The following BACH2 variants were observed in gnomAD, a reference collection of about 807,000 sequenced individuals.
BACH2 encodes BACH transcriptional regulator 2.
Under a neutral mutation model 61.8 loss-of-function variants are expected in BACH2, and 5 were observed. That is an observed-to-expected ratio of 0.08 (90% confidence interval 0.04 to 0.17). The LOEUF is 0.17. Among genes scored for constraint, BACH2 ranks in the 10% least tolerant of loss-of-function variants. The probability of loss-of-function intolerance (pLI) is 1.00; values close to 1 mark genes in which losing one functional copy is unlikely to be tolerated. For synonymous variants in BACH2, 446 were observed against 440.1 expected, an observed-to-expected ratio of 1.01 and a Z score of -0.17; for missense variants, 824 against 1,091.1, an observed-to-expected ratio of 0.76 and a Z score of 3.45.
intron 2 of BACH2, among the ~76,000 whole-genome samples, chr6:90,254,857 G>A (rs1770926418): frequency 6.6e-6 from 1 of 152,140 alleles, no homozygotes; most frequent in South Asian, 2.1e-4. Flanking sequence ...TTATTGTAAT[G>A]TTTCAAACTC....
intron 5 of BACH2, among the ~76,000 whole-genome samples, chr6:90,015,293 G>T (rs1777999816): frequency 6.6e-6 from 1 of 151,748 alleles, no homozygotes. Context: ...TATTCTCATT[G>T]TTATATCCTT....
rs530479326 is a variant in BACH2 at position 90,016,755 on chromosome 6, C to G, written c.-12-7899G>C. Among the ~76,000 whole-genome samples the G allele has an allele frequency of 8.6e-5, 13 of 151,854 alleles. No individual in the cohort carries two copies. The South Asian group carries it at 2.5e-3, about 29-fold the overall frequency. The stretch of plus-strand genomic sequence containing the variant: ...AACTTTTCTCTGTAAAAGCCTGCTG[C>G]CTTCATTTTTGAAAGTTATCTTTGA... On this transcript the variant is annotated intron_variant, in intron 5 of 8. Transcript: ENST00000257749.
intron 5 of BACH2, among the ~76,000 whole-genome samples, chr6:90,031,888 G>A (rs569479472): frequency 4.6e-5 from 7 of 152,152 alleles, no homozygotes; most frequent in African/African-American, 7.2e-5. Flanking sequence ...AAAAGAGCCC[G>A]CATTGCCAAG....
intron 5 of BACH2, among the ~76,000 whole-genome samples, chr6:90,032,341 C>A (rs1364450329): frequency 1.7e-4 from 25 of 143,424 alleles, no homozygotes; most frequent in East Asian, 6.5e-4. Flanking sequence ...GCAACAAAAG[C>A]CAAAATTGAC....
At chr6:90,120,081 C>T (rs1783560163) in intron 4 of BACH2, among the ~76,000 whole-genome samples, 1 of 152,226 alleles carries the variant, frequency 6.6e-6, no homozygotes. Context: ...ATTCATTCAT[C>T]TATTCATGCC....
intron 3 of BACH2, among the ~76,000 whole-genome samples, chr6:90,249,796 G>C (rs557656508): frequency 1.3e-5 from 2 of 152,134 alleles, no homozygotes; most frequent in South Asian, 2.1e-4. Context: ...CAAAACCTAA[G>C]ATTGAACAAC....
intron 5 of BACH2, among the ~76,000 whole-genome samples, chr6:90,026,815 T>C (rs1371232901): frequency 1.3e-5 from 2 of 152,218 alleles, no homozygotes; most frequent in Non-Finnish European, 2.9e-5. Flanking sequence ...GCTCCTTTCA[T>C]GCATGGGGGT....
At chr6:90,109,571 T>C (rs1355690677) in intron 4 of BACH2, among the ~76,000 whole-genome samples, 1 of 152,218 alleles carries the variant, frequency 6.6e-6, no homozygotes, top group East Asian at 1.9e-4. Context: ...TGAATTTCCA[T>C]ATCCAATTTC....
At chr6:90,009,004 G>A (rs923485683) in intron 5 of BACH2, 148 bp from the exon 6 acceptor site, 2 of 958,058 alleles carry the variant, frequency 2.1e-6, no homozygotes, top group African/African-American at 3.3e-5. Flanking sequence ...TTACCAATCA[G>A]CATATTTGTG....
chr6:89,984,310 G>A (rs189692590), intron 6 of BACH2, among the ~76,000 whole-genome samples: 65 of 152,182 alleles, frequency 4.3e-4, no homozygotes, highest in Admixed American at 2.4e-3. Flanking sequence ...AAGGAGGGAA[G>A]ATATGGTCAC....
At chr6:90,274,619 C>A (rs1771634452) in intron 1 of BACH2, among the ~76,000 whole-genome samples, 2 of 152,184 alleles carry the variant, frequency 1.3e-5, no homozygotes, top group South Asian at 2.1e-4. Context: ...CAGACAACCC[C>A]CACACACTTT....
At chr6:90,159,643 C>T (rs945421742) in intron 4 of BACH2, among the ~76,000 whole-genome samples, 1 of 151,752 alleles carries the variant, frequency 6.6e-6, no homozygotes, top group Non-Finnish European at 1.5e-5. Flanking sequence ...AGGGACATAA[C>T]CTATTTTCTC....
chr6:90,104,886 T>C (rs1191933223), intron 4 of BACH2, among the ~76,000 whole-genome samples: 5 of 152,186 alleles, frequency 3.3e-5, no homozygotes, highest in African/African-American at 2.4e-5. Context: ...GTTTCCCCCA[T>C]ACTACCATGT....
At chr6:90,162,055 G>C (rs1201421253) in intron 4 of BACH2, among the ~76,000 whole-genome samples, 1 of 152,086 alleles carries the variant, frequency 6.6e-6, no homozygotes, top group East Asian at 1.9e-4. Flanking sequence ...TGCTGCTCCA[G>C]AGAATGTCTT....
intron 1 of BACH2, among the ~76,000 whole-genome samples, chr6:90,273,262 G>A (rs1334128698): frequency 1.3e-5 from 2 of 152,054 alleles, no homozygotes; most frequent in Non-Finnish European, 2.9e-5. Context: ...GGAGGCTAAG[G>A]CAAAAGGATC....
At chr6:89,986,733 A>G (rs899463532) in intron 6 of BACH2, among the ~76,000 whole-genome samples, 8 of 152,158 alleles carry the variant, frequency 5.3e-5, no homozygotes, top group Non-Finnish European at 1.2e-4. Context: ...CAAACAAACC[A>G]TCACCCACTC....
In BACH2 at chr6:89,928,182, C is replaced by A. The variant is rs962068799; in HGVS notation, c.*4226G>T. 5 of 152,290 alleles carry A rather than the reference C, an allele frequency of 3.3e-5. No individual in the cohort carries two copies. The allele number at this position is 152,290 out of a possible 1,614,324, so 9.4% of individuals were successfully genotyped here. A position where few individuals can be genotyped will look rare whatever the true frequency, so the allele number is the denominator to read the frequency against. The stretch of plus-strand genomic sequence containing the variant: ...TAGTCTATTTACAGTCATTTGAGGA[C>A]CAAACTTGATTCTTGCTCCTTCTGG... On this transcript the variant is annotated 3_prime_UTR_variant, in exon 9 of 9. Coordinates refer to ENST00000257749, the MANE Select transcript of BACH2 (RefSeq NM_021813.4).
chr6:90,256,823 T>A (rs1178057857), intron 2 of BACH2, among the ~76,000 whole-genome samples: 1 of 152,122 alleles, frequency 6.6e-6, no homozygotes, highest in Non-Finnish European at 1.5e-5. Context: ...TACTGCACAT[T>A]AGATCTCTAT....
At chr6:90,293,326 C>A (rs1390650485) in intron 1 of BACH2, among the ~76,000 whole-genome samples, 1 of 152,134 alleles carries the variant, frequency 6.6e-6, no homozygotes, top group Non-Finnish European at 1.5e-5. Context: ...AGTAGAGGGG[C>A]CAGGCACAGC....
Sources: gnomAD v4.1 joint callset for allele counts (sites outside exome capture counted in the v4.1 genomes callset) on GRCh38, gnomAD v4.1.1 for gene constraint, MANE v1.5 for transcripts, NCBI Gene and HGNC (gene_info 2026-07-23, HGNC 2026-07-21) for gene names.